Variants in SLC5A3 observed in about 807,000 individuals in gnomAD.
SLC5A3 encodes the protein solute carrier family 5 member 3.
A neutral mutation model predicts 43.2 loss-of-function variants in SLC5A3; 10 were observed. The observed-to-expected ratio is 0.23, with a 90% confidence interval of 0.14 to 0.39. SLC5A3 has a LOEUF of 0.39. Ranked by LOEUF, SLC5A3 falls within the 10% of genes least tolerant of loss-of-function variation. The pLI is 1.00. For missense variants in SLC5A3, 608 were observed against 893.4 expected (o/e 0.68, Z 4.07); for synonymous variants, 349 against 322.0 (o/e 1.08, Z -0.90).
At chr21:34,086,107 T>C (rs114313336) in intron 1 of SLC5A3, among the ~76,000 whole-genome samples, 2 of 152,348 alleles carry the variant, frequency 1.3e-5, no homozygotes, top group South Asian at 2.1e-4. Flanking sequence ...CCCCACTCTT[T>C]ACCTTTCCGG....
At position 34,099,249 on chromosome 21, in the gene SLC5A3, T is replaced by C; in HGVS notation, c.*1894T>C. 5.0e-6 allele frequency: 5 copies of C among 1,000,220 alleles called. No homozygotes were observed. Among genetic ancestry groups the C allele is most frequent in the Non-Finnish European group, 6.0e-6 (5 of 829,974 alleles). The allele number at this position is 1,000,220 out of a possible 1,614,324, so 62.0% of individuals were successfully genotyped here. ...AATTTGGGGGCCAAATAGATAGAGC[T>C]CATCATTTTCTTGTTTGGAAGTTGA... is the stretch of plus-strand genomic sequence containing the variant. On this transcript the variant is annotated 3_prime_UTR_variant, in exon 2 of 2. Transcript: ENST00000381151.
At chr21:34,085,001 C>T (rs1989539221) in intron 1 of SLC5A3, among the ~76,000 whole-genome samples, 1 of 152,150 alleles carries the variant, frequency 6.6e-6, no homozygotes, top group African/African-American at 2.4e-5. Context: ...TTCCTCCTAA[C>T]CACAACATAG....
In SLC5A3 at chr21:34,104,804, A is replaced by G. The variant is rs1349087668; in HGVS notation, c.*7449A>G. The G allele has an allele frequency of 9.0e-6, 9 of 1,000,116 alleles. No individual in the cohort carries two copies. Among genetic ancestry groups the G allele is most frequent in the Non-Finnish European group, 1.1e-5 (9 of 829,934 alleles). 62.0% of individuals were successfully genotyped at this position (1,000,116 alleles called of 1,614,324 possible). A position where few individuals can be genotyped will look rare whatever the true frequency, so the allele number is the denominator to read the frequency against. ...AAAGCTGTTATAACCTGTTAATCCT[A>G]CGTACTATGTGTTCTGTACCTTTAC... On this transcript the variant is annotated 3_prime_UTR_variant, in exon 2 of 2. Transcript: ENST00000381151.
Position 34,105,339 on chromosome 21 carries a change from A to G in SLC5A3, c.*7984A>G. 1.0e-6 allele frequency: 1 copy of G among 999,924 alleles called. No homozygotes were observed. Among genetic ancestry groups the G allele is most frequent in the Non-Finnish European group, 1.2e-6 (1 of 829,732 alleles). 61.9% of individuals were successfully genotyped at this position (999,924 alleles called of 1,614,324 possible). A position where few individuals can be genotyped will look rare whatever the true frequency, so the allele number is the denominator to read the frequency against. The stretch of plus-strand genomic sequence containing the variant: ...CTTTTTGATAAGATGGATATCAAAA[A>G]TAGTTGCTGTGCAAAAGTTAGTAGT... On this transcript the variant is annotated 3_prime_UTR_variant, in exon 2 of 2. Coordinates refer to ENST00000381151, the MANE Select transcript of SLC5A3 (RefSeq NM_006933.7).
In SLC5A3 at chr21:34,102,022, T is replaced by C. The variant is rs1185669808; in HGVS notation, c.*4667T>C. On this transcript the variant is annotated 3_prime_UTR_variant, in exon 2 of 2. Transcript: ENST00000381151. ...TAGTTGGCATATAGAGGAACCCTTT[T>C]GTACTGGAACGTATGAGGCTGGATT... 2 of 1,000,210 alleles carry C rather than the reference T, an allele frequency of 2.0e-6. No individual in the cohort carries two copies. The highest frequency in any genetic ancestry group is 2.4e-6 in the Non-Finnish European group (2 of 829,942). The allele number at this position is 1,000,210 out of a possible 1,614,324, so 62.0% of individuals were successfully genotyped here. A position where few individuals can be genotyped will look rare whatever the true frequency, so the allele number is the denominator to read the frequency against.
At position 34,085,703 on chromosome 21, in the gene SLC5A3, C is replaced by T. The variant is rs544525074; in HGVS notation, c.-336-9160C>T. Among the ~76,000 whole-genome samples the T allele has an allele frequency of 8.6e-5, 13 of 151,292 alleles. No individual in the cohort carries two copies. In the East Asian group the frequency reaches 1.6e-3, roughly 18 times the overall value. On this transcript the variant is annotated intron_variant, in intron 1 of 1. Transcript: ENST00000381151. ...TGCAAGCTCTGCCTCCCGGGTTTCACGCCATTCTCCTGCCTCAGCCCCAGC... is the reference window on the plus strand; with the variant it reads ...TGCAAGCTCTGCCTCCCGGGTTTCATGCCATTCTCCTGCCTCAGCCCCAGC...
chr21:34,076,280 C>CT (rs529089296), intron 1 of SLC5A3, among the ~76,000 whole-genome samples: 13 of 151,374 alleles, frequency 8.6e-5, no homozygotes, highest in Admixed American at 2.0e-4. Flanking sequence ...GTCCTCATTA[C>CT]TTTTTTTTTG....
At chr21:34,085,418 A>C (rs1026836864) in intron 1 of SLC5A3, among the ~76,000 whole-genome samples, 4 of 152,148 alleles carry the variant, frequency 2.6e-5, no homozygotes, top group Admixed American at 2.6e-4. Flanking sequence ...AATGTACCCT[A>C]TTTCCCTTTT....
Position 34,095,537 on chromosome 21 carries a change from G to C in SLC5A3, c.339G>C (p.Leu113Phe), listed in dbSNP as rs1248314405. The C allele has an allele frequency of 6.2e-7, 1 of 1,613,678 alleles. No homozygotes were observed. Among genetic ancestry groups the C allele is most frequent in the East Asian group, 2.2e-5 (1 of 44,862 alleles). The change falls in exon 2 of 2, where the codon TTG becomes TTC. Residue 113 changes from leucine (L) to phenylalanine (F), a missense_variant. This residue lies in a region of SLC5A3 where 398 missense variants were observed against 668.6 expected (regional missense o/e 0.60). Transcript: ENST00000381151. ...RSGVYTMPEY[L>F]SKRFGGHRIQ... is the part of the protein sequence containing the mutation. ...GGGTATATACCATGCCTGAATACTT[G>C]TCCAAGCGATTTGGTGGCCATAGGA... is the stretch of plus-strand genomic sequence containing the variant.
rs1979112299 is a variant in SLC5A3, at chr21:34,099,122, G to A, written c.*1767G>A. 2 of 999,624 alleles carry A rather than the reference G, an allele frequency of 2.0e-6. No homozygotes were observed. Among genetic ancestry groups the A allele is most frequent in the South Asian group, 9.4e-5 (2 of 21,282 alleles). 61.9% of individuals were successfully genotyped at this position (999,624 alleles called of 1,614,324 possible). On this transcript the variant is annotated 3_prime_UTR_variant, in exon 2 of 2. Transcript: ENST00000381151. ...ATCAGGAGGCTTTCTGAAGGACTGA[G>A]TCTGTAAATGAAAAAATAATTTATG...
intron 1 of SLC5A3, among the ~76,000 whole-genome samples, chr21:34,086,649 T>C (rs1978398695): frequency 6.6e-6 from 1 of 152,186 alleles, no homozygotes; most frequent in Non-Finnish European, 1.5e-5. Flanking sequence ...TCCTCAGTTT[T>C]CTCATTTGTA....
chr21:34,077,977 A>G (rs1004026973), intron 1 of SLC5A3, among the ~76,000 whole-genome samples: 1 of 152,190 alleles, frequency 6.6e-6, no homozygotes, highest in Non-Finnish European at 1.5e-5. Context: ...TATTTTAGAT[A>G]CCCTTTGGAG....
At chr21:34,075,666 T>TA (rs1989312522) in intron 1 of SLC5A3, among the ~76,000 whole-genome samples, 1 of 152,166 alleles carries the variant, frequency 6.6e-6, no homozygotes, top group African/African-American at 2.4e-5. Flanking sequence ...ATGGCGAAGT[T>TA]ATGTTGAGGA....
intron 1 of SLC5A3, among the ~76,000 whole-genome samples, chr21:34,086,527 G>A (rs1482908217): frequency 1.3e-5 from 2 of 150,688 alleles, no homozygotes; most frequent in African/African-American, 4.9e-5. Context: ...TTGTGTGTGT[G>A]TGTGTGTGTG....
Position 34,105,595 on chromosome 21 carries a change from C to T in SLC5A3, c.*8240C>T. ...TTTTTGTAAGAGACCAGTTAGTACA[C>T]TGGGGGTGTATATTGTGTACATGTG... is the stretch of plus-strand genomic sequence containing the variant. On this transcript the variant is annotated 3_prime_UTR_variant, in exon 2 of 2. Transcript: ENST00000381151. The T allele has an allele frequency of 4.0e-6, 4 of 999,954 alleles. No homozygotes were observed. Among genetic ancestry groups the T allele is most frequent in the Non-Finnish European group, 4.8e-6 (4 of 829,804 alleles). The allele number at this position is 999,954 out of a possible 1,614,324, so 61.9% of individuals were successfully genotyped here.
At chr21:34,080,102 A>AGG (rs774945389) in intron 1 of SLC5A3, among the ~76,000 whole-genome samples, 3 of 152,110 alleles carry the variant, frequency 2.0e-5, no homozygotes, top group Admixed American at 6.5e-5. Flanking sequence ...CATACTACTG[A>AGG]GGGGAGGATA....
rs749241112 is a variant in SLC5A3 at position 34,095,229 on chromosome 21, G to A, written c.31G>A (p.Ala11Thr). 2.1e-5 allele frequency: 34 copies of A among 1,613,152 alleles called. No individual in the cohort carries two copies. Among genetic ancestry groups the A allele is most frequent in the Non-Finnish European group, 2.9e-5 (34 of 1,179,416 alleles). Residue 11 changes from alanine to threonine, a missense_variant, in exon 2 of 2, where the codon GCC becomes ACC. Physicochemically the swap from Ala to Thr is moderately conservative, Grantham distance 58. Coordinates refer to ENST00000381151, the MANE Select transcript of SLC5A3 (RefSeq NM_006933.7). Reference protein sequence around the residue: MRAVLDTADIAIVALYFILVM... With the variant: MRAVLDTADITIVALYFILVM... ...AGCTGTACTGGACACAGCAGACATTGCCATAGTGGCCCTGTATTTTATCCT... is the reference window on the plus strand; with the variant it reads ...AGCTGTACTGGACACAGCAGACATTACCATAGTGGCCCTGTATTTTATCCT...
chr21:34,095,414 A>C lies in SLC5A3; in HGVS notation c.216A>C (p.Gly72=). ...ACTTCATTGGGCTGGCAGGATCTGGAGCTGCAAGTGGATTTGCAGTGGGCG... is the reference window on the plus strand; with the variant it reads ...ACTTCATTGGGCTGGCAGGATCTGGCGCTGCAAGTGGATTTGCAGTGGGCG... ...SEHFIGLAGS[G]AASGFAVGAW... The change falls in exon 2 of 2, where the codon GGA becomes GGC. Residue 72 remains glycine, a synonymous_variant. Coordinates refer to ENST00000381151, the MANE Select transcript of SLC5A3 (RefSeq NM_006933.7). 6.2e-7 allele frequency: 1 copy of C among 1,614,094 alleles called. No homozygotes were observed. Among genetic ancestry groups the C allele is most frequent in the African/African-American group, 1.3e-5 (1 of 75,006 alleles).
intron 1 of SLC5A3, among the ~76,000 whole-genome samples, chr21:34,088,756 C>T (rs1978527705): frequency 6.6e-6 from 1 of 152,106 alleles, no homozygotes; most frequent in African/African-American, 2.4e-5. Flanking sequence ...GTTTTCTCAT[C>T]TGTAAAATGG....
Sources: gnomAD v4.1 joint callset for allele counts (sites outside exome capture counted in the v4.1 genomes callset) on GRCh38, gnomAD v4.1.1 for gene constraint, gnomAD v4.1.1 regional missense constraint, MANE v1.5 for transcripts, NCBI Gene and HGNC (gene_info 2026-07-23, HGNC 2026-07-21) for gene names.